OR14A2: variants seen among roughly 807,000 people sequenced by gnomAD.
OR14A2 encodes the protein olfactory receptor 14A2.
For synonymous variants in OR14A2, 114 were observed against 58.6 expected, an observed-to-expected ratio of 1.95 and a Z score of -4.32; for missense variants, 237 against 152.9, an observed-to-expected ratio of 1.55 and a Z score of -2.90.
the OR14A2 span, chr1:247,739,449 G>A: frequency 2.0e-4 from 158 of 780,624 alleles, no homozygotes; most frequent in African/African-American, 2.4e-3. Flanking sequence ...CTATTCTGTC[G>A]CACCTCCAAC....
chr1:247,739,082 G>A, the OR14A2 span: 10 of 780,746 alleles, frequency 1.3e-5, no homozygotes, highest in Non-Finnish European at 2.4e-5. Flanking sequence ...TGGGACTCTT[G>A]TACACAGCTG....
chr1:247,739,485 A>T, the OR14A2 span: 1 of 780,830 alleles, frequency 1.3e-6, no homozygotes, highest in Non-Finnish European at 2.4e-6. Context: ...CTACTGTCTG[A>T]AGAACAAGGA....
Sources: allele counts gnomAD v4.1 joint callset, GRCh38; gene constraint gnomAD v4.1.1; transcripts MANE v1.5; gene names NCBI Gene and HGNC (gene_info 2026-07-23, HGNC 2026-07-21).